ALPK2: variants seen among roughly 807,000 people sequenced by gnomAD.
The protein encoded by ALPK2 is alpha kinase 2, also known as alpha-protein kinase 2.
In ALPK2, 127 loss-of-function variants were observed where a neutral mutation model predicts 163.1. The ratio of observed to expected loss-of-function variants is 0.78; its 90% CI spans 0.67 to 0.90. The LOEUF (loss-of-function observed/expected upper bound fraction) is 0.90, where lower values mean the gene tolerates loss of function less well. Ranked by LOEUF, ALPK2 falls within the 40% of genes least tolerant of loss-of-function variation. The pLI is 0.00. For missense variants in ALPK2, 2,360 were observed against 2,589.6 expected (o/e 0.91, Z 1.92); for synonymous variants, 953 against 959.1 (o/e 0.99, Z 0.12).
intron 3 of ALPK2, among the ~76,000 whole-genome samples, chr18:58,598,249 A>G (rs1202394097): frequency 1.3e-5 from 2 of 152,186 alleles, no homozygotes; most frequent in African/African-American, 2.4e-5. Flanking sequence ...CCTCTCCCAT[A>G]TGAGGGGGAC....
chr18:58,580,024 C>T lies in ALPK2; in HGVS notation c.752G>A (p.Gly251Asp), dbSNP rs1208110863. ...AGAGCGTAAGCCTTCATCATGAGGA[C>T]CATCATTGTTCAGGTCACCATCCGT... The part of the protein sequence containing the change: ...KFTDGDLNND[G>D]PHDEGLRSSQ... Residue 251 changes from glycine (G) to aspartate (D), a missense_variant, in exon 4 of 13, where the codon GGT (glycine) becomes GAT (aspartate). Transcript: ENST00000361673. 3 of 1,614,128 alleles carry T rather than the reference C, an allele frequency of 1.9e-6. No homozygotes were observed. The African/African-American group carries it at 4.0e-5, about 22-fold the overall frequency.
rs558528228 is a variant in ALPK2 at position 58,516,832 on chromosome 18, G to A, written c.5940+76C>T. On this transcript the variant is annotated intron_variant, in intron 9 of 12. Transcript: ENST00000361673. ...TTTTGAAGATATTCCCATCAATCCT[G>A]AGTCTGATTTTCATCTCGTCTTATC... is the stretch of plus-strand genomic sequence containing the variant. 41 of 1,505,840 alleles carry A rather than the reference G, an allele frequency of 2.7e-5. No homozygotes were observed. The South Asian group carries it at 3.9e-4, about 14-fold the overall frequency. 93.3% of individuals were successfully genotyped at this position (1,505,840 alleles called of 1,614,324 possible). A position where few individuals can be genotyped will look rare whatever the true frequency, so the allele number is the denominator to read the frequency against.
At chr18:58,483,015 T>C (rs1258266932) in intron 12 of ALPK2, among the ~76,000 whole-genome samples, 1 of 152,078 alleles carries the variant, frequency 6.6e-6, no homozygotes, top group Non-Finnish European at 1.5e-5. Flanking sequence ...ACAAATCCCA[T>C]GTACACACTG....
intron 4 of ALPK2, among the ~76,000 whole-genome samples, chr18:58,556,073 C>T (rs958246950): frequency 2.0e-5 from 3 of 152,124 alleles, no homozygotes; most frequent in East Asian, 1.9e-4. Flanking sequence ...CCACCAGCCT[C>T]GGCCTCCCAA....
chr18:58,610,048 C>T lies in ALPK2; in HGVS notation c.109+1641G>A, dbSNP rs532837950. Among the ~76,000 whole-genome samples the T allele has an allele frequency of 5.9e-5, 9 of 152,204 alleles. No homozygotes were observed. The East Asian group carries it at 1.7e-3, about 29-fold the overall frequency. ...CGTTTCTGAGGCTCACCCCTCTCCT[C>T]TCTGGACTTAGAAAAATGGGATCAG... On this transcript the variant is annotated intron_variant, in intron 2 of 12. Coordinates refer to ENST00000361673, the MANE Select transcript of ALPK2 (RefSeq NM_052947.4).
At chr18:58,586,687 A>T (rs1439537175) in intron 3 of ALPK2, among the ~76,000 whole-genome samples, 1 of 151,788 alleles carries the variant, frequency 6.6e-6, no homozygotes, top group Non-Finnish European at 1.5e-5. Context: ...CACTCACAAG[A>T]CTGTTTTTGT....
rs538983169 is a variant in ALPK2 at position 58,565,875 on chromosome 18, G to C, written c.1962+12939C>G. Among the ~76,000 whole-genome samples the C allele has an allele frequency of 2.0e-5, 3 of 151,758 alleles. No homozygotes were observed. In the South Asian group the frequency reaches 6.3e-4, roughly 32 times the overall value. On this transcript the variant is annotated intron_variant, in intron 4 of 12. Coordinates refer to ENST00000361673, the MANE Select transcript of ALPK2 (RefSeq NM_052947.4). ...TGCAGTGGTGCAACCTCTGCCTCCC[G>C]GATTCAAGCAATTCTTCTGCCTCAG... is the stretch of plus-strand genomic sequence containing the variant.
At chr18:58,494,563 T>C (rs546135187) in intron 12 of ALPK2, among the ~76,000 whole-genome samples, 4 of 152,086 alleles carry the variant, frequency 2.6e-5, no homozygotes, top group South Asian at 4.2e-4. Flanking sequence ...TTGAGACATA[T>C]GGGAATTTTT....
At chr18:58,599,054 C>T (rs1568097418) in intron 3 of ALPK2, among the ~76,000 whole-genome samples, 1 of 152,144 alleles carries the variant, frequency 6.6e-6, no homozygotes, top group East Asian at 1.9e-4. Context: ...TCACCTGTCA[C>T]CTGACTAGCA....
chr18:58,605,916 C>T lies in ALPK2; in HGVS notation c.227+1406G>A, dbSNP rs148245047. Reference sequence around the variant, plus strand: ...TTGTGTTATTTACCTCCATCTCTAGCGTTAAGCAAAATGCTTGGCATATGT... The same window carrying T: ...TTGTGTTATTTACCTCCATCTCTAGTGTTAAGCAAAATGCTTGGCATATGT... On this transcript the variant is annotated intron_variant, in intron 3 of 12. Transcript: ENST00000361673. Among the ~76,000 whole-genome samples, 234 of 152,226 alleles carry T rather than the reference C, an allele frequency of 1.5e-3. 1 individual carries two copies. The highest frequency in any genetic ancestry group is 5.3e-3 in the African/African-American group (219 of 41,530).
At position 58,579,669 on chromosome 18, in the gene ALPK2, A is replaced by G. The variant is rs776810428; in HGVS notation, c.1107T>C (p.His369=). The G allele has an allele frequency of 6.2e-7, 1 of 1,614,032 alleles. No homozygotes were observed. Among genetic ancestry groups the G allele is most frequent in the Non-Finnish European group, 8.5e-7 (1 of 1,180,016 alleles). ...GGAAATGCTCACACCCACCCAGGCA[A>G]TGCTCACCGAATTCCATCTCTTCGT... ...SDDEEMEFGE[H]CLGGCEHFLS... Residue 369 remains histidine (H), a synonymous_variant, in exon 4 of 13, where the codon CAT becomes CAC. Coordinates refer to ENST00000361673, the MANE Select transcript of ALPK2 (RefSeq NM_052947.4).
chr18:58,517,218 C>T (rs1184938640), intron 8 of ALPK2, 36 bp from the exon 9 acceptor site: 9 of 1,593,592 alleles, frequency 5.6e-6, no homozygotes, highest in East Asian at 2.2e-5. Context: ...GAAAGAATAC[C>T]TCCCAGTCCT....
At chr18:58,506,294 G>A (rs2051461588) in intron 10 of ALPK2, among the ~76,000 whole-genome samples, 1 of 150,878 alleles carries the variant, frequency 6.6e-6, no homozygotes, top group Non-Finnish European at 1.5e-5. Flanking sequence ...GATGGGTTTA[G>A]TTAAAGCCCA....
intron 1 of ALPK2, among the ~76,000 whole-genome samples, chr18:58,628,126 A>AT (rs199634342): frequency 4.5e-4 from 68 of 151,380 alleles, no homozygotes; most frequent in East Asian, 2.5e-3. Flanking sequence ...TAATTGATGG[A>AT]TTTTTTTTTG....
chr18:58,532,985 A>G (rs2051623960), intron 5 of ALPK2, among the ~76,000 whole-genome samples: 1 of 152,202 alleles, frequency 6.6e-6, no homozygotes, highest in Non-Finnish European at 1.5e-5. Context: ...TTGCCTCTTA[A>G]TGGCCTCTGT....
intron 4 of ALPK2, 197 bp downstream of exon 4, chr18:58,578,617 A>G: frequency 1.9e-6 from 1 of 538,718 alleles, no homozygotes. Context: ...TTTTTTCAAA[A>G]CCAGATTTCC....
rs2052105189 is a variant in ALPK2 at position 58,607,569 on chromosome 18, A to C, written c.110-130T>G. Reference sequence around the variant, plus strand: ...TGAGGATGATGGATTACGTTAGGTGAGGAATTGAAAAGCCTTCTTCTTGTT... The same window carrying C: ...TGAGGATGATGGATTACGTTAGGTGCGGAATTGAAAAGCCTTCTTCTTGTT... On this transcript the variant is annotated intron_variant, in intron 2 of 12. Coordinates refer to ENST00000361673, the MANE Select transcript of ALPK2 (RefSeq NM_052947.4). 38 of 596,446 alleles carry C rather than the reference A, an allele frequency of 6.4e-5. 1 individual carries two copies. In the South Asian group the frequency reaches 8.7e-4, roughly 14 times the overall value. 36.9% of individuals were successfully genotyped at this position (596,446 alleles called of 1,614,324 possible).
chr18:58,595,083 C>A (rs200964399), intron 3 of ALPK2, among the ~76,000 whole-genome samples: 1 of 152,284 alleles, frequency 6.6e-6, no homozygotes, highest in South Asian at 2.1e-4. Context: ...AATGAGCTGA[C>A]GTGGGAGTCA....
In ALPK2 at chr18:58,529,239, C is replaced by G. The variant is rs146312514; in HGVS notation, c.5354-1G>C. The G allele has an allele frequency of 5.6e-6, 9 of 1,609,192 alleles. No individual in the cohort carries two copies. The African/African-American group carries it at 1.1e-4, about 19-fold the overall frequency. ...TGGATCTTTTTCAGTAATACTGGAG[C>G]TAGAAACAAGATATTTGAAGGTCAG... On this transcript the variant is annotated splice_acceptor_variant, in intron 5 of 12. Transcript: ENST00000361673. LOFTEE classifies it high-confidence loss of function.
Sources: gnomAD v4.1 joint callset for allele counts (sites outside exome capture counted in the v4.1 genomes callset) on GRCh38, gnomAD v4.1.1 for gene constraint, MANE v1.5 for transcripts, NCBI Gene and HGNC (gene_info 2026-07-23, HGNC 2026-07-21) for gene names.